Variants in FKBP6 observed in about 807,000 individuals in gnomAD.
The protein encoded by FKBP6 is FKBP prolyl isomerase family member 6 (inactive), also known as inactive peptidyl-prolyl cis-trans isomerase FKBP6.
In FKBP6, 29 loss-of-function variants were observed where a neutral mutation model predicts 41.7. The observed-to-expected ratio is 0.70, with a 90% CI of 0.52 to 0.95. The LOEUF is 0.95. Among genes scored for constraint, FKBP6 ranks in the 40% least tolerant of loss-of-function variants. The pLI, the probability that FKBP6 is intolerant of heterozygous loss-of-function variation, is 0.00. For synonymous variants in FKBP6, 130 were observed against 165.1 expected, an observed-to-expected ratio of 0.79 and a Z score of 1.63; for missense variants, 338 against 408.7, an observed-to-expected ratio of 0.83 and a Z score of 1.49.
At chr7:73,349,790 C>T (rs1231794009) in intron 8 of FKBP6, among the ~76,000 whole-genome samples, 3 of 151,280 alleles carry the variant, frequency 2.0e-5, no homozygotes, top group Non-Finnish European at 4.4e-5. Context: ...GGAAGGGATG[C>T]GCCAGCACCC....
intron 8 of FKBP6, among the ~76,000 whole-genome samples, chr7:73,355,598 T>G (rs1399052898): frequency 5.9e-5 from 9 of 152,032 alleles, no homozygotes; most frequent in Middle Eastern, 3.4e-3. Flanking sequence ...TTCACTTGAT[T>G]ATTATTAAAC....
intron 3 of FKBP6, 190 bp from the exon 4 acceptor site, chr7:73,329,960 T>G: frequency 1.6e-6 from 1 of 644,380 alleles, no homozygotes; most frequent in South Asian, 1.8e-5. Context: ...GAACTGAGCC[T>G]GGAAGTTTGA....
chr7:73,345,613 G>T (rs1805312319), intron 8 of FKBP6, among the ~76,000 whole-genome samples: 1 of 152,178 alleles, frequency 6.6e-6, no homozygotes, highest in Non-Finnish European at 1.5e-5. Flanking sequence ...ACTGTGTCTG[G>T]AAAGGAGCTG....
intron 2 of FKBP6, 34 bp from the exon 3 acceptor site, chr7:73,329,326 G>A: frequency 7.7e-7 from 1 of 1,300,382 alleles, no homozygotes; most frequent in Non-Finnish European, 1.1e-6. Context: ...GGTGTTTTTG[G>A]TCCATTTTCC....
chr7:73,340,610 C>T (rs1242489120), intron 5 of FKBP6, 28 bp from the exon 6 acceptor site: 5 of 1,597,716 alleles, frequency 3.1e-6, no homozygotes, highest in Non-Finnish European at 4.3e-6. Context: ...TGTTACTCCT[C>T]TTGACCATCT....
At chr7:73,338,052 CAG>C (rs1554548832) in intron 5 of FKBP6, among the ~76,000 whole-genome samples, 1 of 152,034 alleles carries the variant, frequency 6.6e-6, no homozygotes. Flanking sequence ...TTTTATGAGA[CAG>C]AGTCCCTGTT....
At chr7:73,331,858 G>A in intron 5 of FKBP6, 82 bp downstream of exon 5, 1 of 1,479,292 alleles carries the variant, frequency 6.8e-7, no homozygotes. Flanking sequence ...GTTTTGTTGT[G>A]ATTTTTGTTT....
chr7:73,328,241 C>T lies in FKBP6; in HGVS notation c.-188C>T. 1.3e-6 allele frequency: 2 copies of T among 1,549,156 alleles called. No homozygotes were observed. The highest frequency in any genetic ancestry group is 1.7e-6 in the Non-Finnish European group (2 of 1,146,644). ...TCTGTAGTTCCAGAGCTCGCGAGGG[C>T]CAGGGCCGTTGGCGGCGGTTGGAAC... On this transcript the variant is annotated 5_prime_UTR_variant, in exon 1 of 9. Coordinates refer to ENST00000252037, the MANE Select transcript of FKBP6 (RefSeq NM_003602.5).
chr7:73,341,126 G>A (rs1805169176), intron 6 of FKBP6, 147 bp from the exon 7 acceptor site: 2 of 764,756 alleles, frequency 2.6e-6, no homozygotes, highest in Non-Finnish European at 4.8e-6. Flanking sequence ...GTTTTGCCGT[G>A]TTGGCCAGGC....
chr7:73,331,831 T>G, intron 5 of FKBP6, 55 bp downstream of exon 5: 1 of 1,549,752 alleles, frequency 6.5e-7, no homozygotes, highest in African/African-American at 1.4e-5. Flanking sequence ...CTTCCTTGTT[T>G]AAAAAACACA....
intron 7 of FKBP6, among the ~76,000 whole-genome samples, chr7:73,342,008 C>T (rs1425174561): frequency 6.6e-6 from 1 of 151,948 alleles, no homozygotes; most frequent in Non-Finnish European, 1.5e-5. Flanking sequence ...CTCTTCCCTG[C>T]GTGCTCCACC....
chr7:73,350,807 C>T (rs1805468558), intron 8 of FKBP6, among the ~76,000 whole-genome samples: 1 of 152,098 alleles, frequency 6.6e-6, no homozygotes, highest in Non-Finnish European at 1.5e-5. Flanking sequence ...ATGCCGAGGC[C>T]ACAGGAGGCC....
At chr7:73,342,148 A>G (rs1805210902) in intron 7 of FKBP6, among the ~76,000 whole-genome samples, 1 of 152,130 alleles carries the variant, frequency 6.6e-6, no homozygotes, top group Non-Finnish European at 1.5e-5. Context: ...TAAGCACACC[A>G]GTCTTTTAGT....
chr7:73,351,517 G>A (rs1805490778), intron 8 of FKBP6, among the ~76,000 whole-genome samples: 1 of 152,160 alleles, frequency 6.6e-6, no homozygotes, highest in Non-Finnish European at 1.5e-5. Flanking sequence ...CCACGTACCT[G>A]TGAAGTGCCT....
chr7:73,331,884 A>G, intron 5 of FKBP6, 108 bp downstream of exon 5: 1 of 1,206,958 alleles, frequency 8.3e-7, no homozygotes. Context: ...TGTTTTTGAG[A>G]CAAGAGTGTC....
At chr7:73,340,511 G>A (rs1805140762) in intron 5 of FKBP6, 127 bp from the exon 6 acceptor site, 2 of 743,618 alleles carry the variant, frequency 2.7e-6, no homozygotes, top group Non-Finnish European at 4.8e-6. Context: ...GACTTCTTAT[G>A]TTGATCTTGT....
intron 8 of FKBP6, among the ~76,000 whole-genome samples, chr7:73,344,849 TG>T (rs1242059300): frequency 2.0e-5 from 3 of 152,210 alleles, no homozygotes; most frequent in Non-Finnish European, 2.9e-5. Context: ...CCTCCCAAAG[TG>T]CTGGGATTAC....
At chr7:73,334,088 G>C (rs1239723321) in intron 5 of FKBP6, among the ~76,000 whole-genome samples, 3 of 151,992 alleles carry the variant, frequency 2.0e-5, no homozygotes, top group Non-Finnish European at 2.9e-5. Context: ...AAAAGGTCTT[G>C]CTAGTTCTGA....
chr7:73,335,533 C>A (rs1804979412), intron 5 of FKBP6, among the ~76,000 whole-genome samples: 1 of 152,148 alleles, frequency 6.6e-6, no homozygotes, highest in Non-Finnish European at 1.5e-5. Context: ...CCAGCCTGCC[C>A]CCAAGTCAAG....
Sources: gnomAD v4.1 joint callset for allele counts (sites outside exome capture counted in the v4.1 genomes callset) on GRCh38, gnomAD v4.1.1 for gene constraint, MANE v1.5 for transcripts, NCBI Gene and HGNC (gene_info 2026-07-23, HGNC 2026-07-21) for gene names.